The following GRID1 variants were observed in gnomAD, a reference collection of about 807,000 sequenced individuals.
GRID1 encodes the protein glutamate ionotropic receptor delta type subunit 1, also known as glutamate receptor ionotropic, delta-1.
In GRID1, 28 loss-of-function variants were observed where a neutral mutation model predicts 98.0. That is an observed-to-expected ratio of 0.29 (90% CI 0.21 to 0.39). The LOEUF is 0.39. Ranked by LOEUF, GRID1 falls within the 10% of genes least tolerant of loss-of-function variation. The pLI, the probability that GRID1 is intolerant of heterozygous loss-of-function variation, is 1.00. For missense variants in GRID1, 1,111 were observed against 1,340.5 expected (o/e 0.83, Z 2.67); for synonymous variants, 553 against 538.5 (o/e 1.03, Z -0.37).
intron 4 of GRID1, among the ~76,000 whole-genome samples, chr10:85,979,360 A>G (rs535158022): frequency 6.6e-6 from 1 of 152,342 alleles, no homozygotes; most frequent in Admixed American, 6.5e-5. Flanking sequence ...TAGGGCTGCC[A>G]TAATAAAATA....
At chr10:86,238,791 G>A (rs754134770) in intron 2 of GRID1, among the ~76,000 whole-genome samples, 12 of 152,106 alleles carry the variant, frequency 7.9e-5, no homozygotes, top group Non-Finnish European at 1.0e-4. Context: ...CAAAGTGTGC[G>A]AGTTGAGGCT....
At chr10:86,342,241 C>T (rs922977122) in intron 2 of GRID1, among the ~76,000 whole-genome samples, 1 of 152,144 alleles carries the variant, frequency 6.6e-6, no homozygotes, top group Non-Finnish European at 1.5e-5. Context: ...CCTCATGCTG[C>T]GGGCACTGCT....
At chr10:85,892,657 A>G (rs570920372) in intron 5 of GRID1, among the ~76,000 whole-genome samples, 1 of 152,208 alleles carries the variant, frequency 6.6e-6, no homozygotes, top group South Asian at 2.1e-4. Flanking sequence ...GGAAAAAAAG[A>G]TAATCTAAAT....
chr10:85,700,094 T>C (rs1841434897), intron 12 of GRID1, among the ~76,000 whole-genome samples: 1 of 152,126 alleles, frequency 6.6e-6, no homozygotes. Context: ...ACTCCAAATC[T>C]CAGAGCTGTT....
At chr10:85,922,250 G>A (rs1841715788) in intron 4 of GRID1, among the ~76,000 whole-genome samples, 1 of 152,148 alleles carries the variant, frequency 6.6e-6, no homozygotes, top group African/African-American at 2.4e-5. Flanking sequence ...TCCTTCTCCA[G>A]GTTAACTTGT....
intron 4 of GRID1, among the ~76,000 whole-genome samples, chr10:86,128,851 C>G (rs1446445771): frequency 6.6e-6 from 1 of 152,212 alleles, no homozygotes; most frequent in African/African-American, 2.4e-5. Flanking sequence ...TGGGCATGTT[C>G]TGGGTACCCA....
At chr10:85,957,205 G>C (rs1589313173) in intron 4 of GRID1, among the ~76,000 whole-genome samples, 2 of 152,176 alleles carry the variant, frequency 1.3e-5, no homozygotes, top group Non-Finnish European at 2.9e-5. Flanking sequence ...GATGAGATTT[G>C]GGTAAGGACA....
intron 2 of GRID1, among the ~76,000 whole-genome samples, chr10:86,354,303 A>T (rs570697560): frequency 2.6e-5 from 4 of 152,262 alleles, no homozygotes; most frequent in Non-Finnish European, 5.9e-5. Flanking sequence ...GCTAGCACCC[A>T]GACAGGACCC....
intron 8 of GRID1, among the ~76,000 whole-genome samples, chr10:85,786,751 C>G (rs760156915): frequency 1.3e-5 from 2 of 152,196 alleles, no homozygotes. Context: ...ATGCCCCACC[C>G]CCCGCCAGGA....
At chr10:86,041,846 CCACCACTTTT>C (rs1843350081) in intron 4 of GRID1, among the ~76,000 whole-genome samples, 1 of 150,698 alleles carries the variant, frequency 6.6e-6, no homozygotes, top group African/African-American at 2.4e-5. Context: ...CTGACAATTT[CCACCACTTTT>C]CACCCAGGAT....
chr10:85,812,332 A>T (rs910009532), intron 8 of GRID1, among the ~76,000 whole-genome samples: 15 of 152,134 alleles, frequency 9.9e-5, no homozygotes, highest in Non-Finnish European at 1.6e-4. Context: ...CATGAGAATA[A>T]GATTACATAC....
At chr10:86,221,835 G>C (rs1846258245) in intron 2 of GRID1, among the ~76,000 whole-genome samples, 1 of 152,198 alleles carries the variant, frequency 6.6e-6, no homozygotes, top group African/African-American at 2.4e-5. Context: ...TTCTGGGAAA[G>C]TGGCCACAGG....
At chr10:86,038,824 C>A (rs1392568195) in intron 4 of GRID1, among the ~76,000 whole-genome samples, 2 of 152,202 alleles carry the variant, frequency 1.3e-5, no homozygotes, top group Non-Finnish European at 2.9e-5. Flanking sequence ...AGAAGATGGT[C>A]TTATTTCTGA....
chr10:85,795,502 C>G (rs1842518579), intron 8 of GRID1, among the ~76,000 whole-genome samples: 1 of 152,194 alleles, frequency 6.6e-6, no homozygotes, highest in Admixed American at 6.5e-5. Context: ...TTCAATATTT[C>G]TTAAATGCAC....
At chr10:86,032,712 A>G (rs1843204017) in intron 4 of GRID1, among the ~76,000 whole-genome samples, 1 of 151,912 alleles carries the variant, frequency 6.6e-6, no homozygotes, top group Non-Finnish European at 1.5e-5. Flanking sequence ...TCCTCTGCCT[A>G]GGAAAACCAG....
chr10:85,652,923 C>T (rs952326256), intron 12 of GRID1, among the ~76,000 whole-genome samples: 9 of 152,192 alleles, frequency 5.9e-5, no homozygotes, highest in African/African-American at 2.4e-5. Flanking sequence ...AAAGTTCCTA[C>T]TTTTGTGGAT....
At chr10:86,168,194 C>A (rs770425902) in intron 3 of GRID1, among the ~76,000 whole-genome samples, 10 of 152,208 alleles carry the variant, frequency 6.6e-5, no homozygotes, top group African/African-American at 9.6e-5. Flanking sequence ...TGAGACAGAG[C>A]GTGGACCTTC....
chr10:85,767,206 G>A (rs572189709), intron 8 of GRID1, among the ~76,000 whole-genome samples: 38 of 152,224 alleles, frequency 2.5e-4, no homozygotes, highest in African/African-American at 8.2e-4. Flanking sequence ...TACTTTGACC[G>A]CTAGGAAATG....
intron 8 of GRID1, among the ~76,000 whole-genome samples, chr10:85,801,697 A>G (rs1842577952): frequency 6.6e-6 from 1 of 151,828 alleles, no homozygotes; most frequent in Non-Finnish European, 1.5e-5. Flanking sequence ...AAACATAACC[A>G]TAAGTGGGAA....
Sources: allele counts gnomAD v4.1 joint callset (sites outside exome capture counted in the v4.1 genomes callset), GRCh38; gene constraint gnomAD v4.1.1; transcripts MANE v1.5; gene names NCBI Gene and HGNC (gene_info 2026-07-23, HGNC 2026-07-21).